The following ITPR1 variants were observed in gnomAD, a reference collection of about 807,000 sequenced individuals.
ITPR1 encodes the protein inositol 1,4,5-trisphosphate-gated calcium channel ITPR1.
ITPR1 carries 96 observed loss-of-function variants against 318.4 expected under a neutral mutation model. The observed-to-expected ratio is 0.30, with a 90% CI of 0.26 to 0.36. ITPR1 has a LOEUF of 0.36. Among genes scored for constraint, ITPR1 ranks in the 10% least tolerant of loss-of-function variants. The pLI, the probability that ITPR1 is intolerant of heterozygous loss-of-function variation, is 1.00. For missense variants in ITPR1, 2,440 were observed against 3,460.2 expected (o/e 0.71, Z 7.40); for synonymous variants, 1,312 against 1,289.9 (o/e 1.02, Z -0.37).
chr3:4,550,532 A>T (rs1041960767), intron 4 of ITPR1, among the ~76,000 whole-genome samples: 2 of 152,172 alleles, frequency 1.3e-5, no homozygotes, highest in Admixed American at 6.5e-5. Flanking sequence ...AAAAATAGAA[A>T]TTCCCTGAGA....
chr3:4,768,826 C>G (rs2045988706), intron 46 of ITPR1, 62 bp downstream of exon 46: 1 of 1,524,490 alleles, frequency 6.6e-7, no homozygotes, highest in Non-Finnish European at 9.0e-7. Flanking sequence ...GCCTGCCTTC[C>G]TCTGATGGTT....
chr3:4,754,054 G>C (rs989644825), intron 44 of ITPR1, among the ~76,000 whole-genome samples: 4 of 129,476 alleles, frequency 3.1e-5, no homozygotes, highest in Non-Finnish European at 7.2e-5. Context: ...AAAATGGGGG[G>C]GGGGTGGCAA....
At chr3:4,750,961 A>G (rs1264150402) in intron 44 of ITPR1, 1 of 152,934 alleles carries the variant, frequency 6.5e-6, no homozygotes, top group Non-Finnish European at 1.5e-5. Flanking sequence ...CCTCCATGAG[A>G]GAGACCTATC....
chr3:4,598,445 C>A (rs971940627), intron 4 of ITPR1, among the ~76,000 whole-genome samples: 2 of 152,002 alleles, frequency 1.3e-5, no homozygotes, highest in African/African-American at 4.8e-5. Context: ...TGCAGTGAGA[C>A]CCCGTCTCTA....
intron 21 of ITPR1, 62 bp from the exon 22 acceptor site, chr3:4,674,140 C>A: frequency 7.2e-7 from 1 of 1,397,368 alleles, no homozygotes. Flanking sequence ...CTGAGTGACC[C>A]AGGAAGACCT....
At position 4,768,701 on chromosome 3, in the gene ITPR1, C is replaced by T; in HGVS notation, c.5916C>T (p.Thr1972=). 6.2e-7 allele frequency: 1 copy of T among 1,613,844 alleles called. No homozygotes were observed. The highest frequency in any genetic ancestry group is 8.5e-7 in the Non-Finnish European group (1 of 1,179,866). Residue 1972 remains threonine (T), a synonymous_variant, in exon 46 of 62, where the codon ACC becomes ACT. Transcript: ENST00000649015. ...KDDLEMSAVI[T]IMQPILRFLQ... ...ACCTGGAGATGAGCGCGGTCATCAC[C>T]ATCATGCAGCCCATCCTCCGCTTCC...
At chr3:4,773,150 C>T (rs2046292820) in intron 46 of ITPR1, among the ~76,000 whole-genome samples, 1 of 152,214 alleles carries the variant, frequency 6.6e-6, no homozygotes, top group Non-Finnish European at 1.5e-5. Context: ...ACTTGCGATG[C>T]TCCCATCTCA....
chr3:4,795,006 T>C, intron 52 of ITPR1, 59 bp from the exon 53 acceptor site: 5 of 1,516,552 alleles, frequency 3.3e-6, no homozygotes, highest in East Asian at 4.7e-5. Flanking sequence ...CCACATTGCA[T>C]TCCTGGCGTT....
chr3:4,566,625 C>G (rs974053829), intron 4 of ITPR1, among the ~76,000 whole-genome samples: 5 of 129,380 alleles, frequency 3.9e-5, no homozygotes, highest in African/African-American at 1.3e-4. Context: ...CACACACACA[C>G]ACACACACAC....
At position 4,658,144 on chromosome 3, in the gene ITPR1, C is replaced by T. The variant is rs763782048; in HGVS notation, c.1017C>T (p.Ala339=). The change falls in exon 13 of 62, where the codon GCC becomes GCT. Residue 339 remains alanine, a synonymous_variant. Coordinates refer to ENST00000649015, the MANE Select transcript of ITPR1 (RefSeq NM_001378452.1). The stretch of plus-strand genomic sequence containing the variant: ...CTCAGGTGGACCCTGATCAGGACGC[C>T]TCTCGAAGTAGGTTGCGGAATGCCC... The part of the protein sequence containing the change: ...FQPSVDPDQD[A]SRSRLRNAQE... 1.8e-5 allele frequency: 29 copies of T among 1,613,054 alleles called. No individual in the cohort carries two copies. The South Asian group carries it at 3.1e-4, about 17-fold the overall frequency.
At position 4,675,057 on chromosome 3, in the gene ITPR1, T is replaced by C; in HGVS notation, c.2599-11T>C. On this transcript the variant is annotated splice_polypyrimidine_tract_variant and intron_variant, in intron 22 of 61. Transcript: ENST00000649015. ...GTAATACCGTCTTCTTCTTTTATTT[T>C]AATACAATAGGTTGTAAATTTAGCT... 6.9e-7 allele frequency: 1 copy of C among 1,446,596 alleles called. No homozygotes were observed. The allele number at this position is 1,446,596 out of a possible 1,614,324, so 89.6% of individuals were successfully genotyped here.
chr3:4,811,161 G>T, intron 55 of ITPR1, 104 bp from the exon 56 acceptor site: 1 of 663,372 alleles, frequency 1.5e-6, no homozygotes. Flanking sequence ...GTGCTTTTGA[G>T]TGTCTAAGAG....
chr3:4,672,407 A>C (rs1209503563), intron 20 of ITPR1, among the ~76,000 whole-genome samples: 1 of 152,230 alleles, frequency 6.6e-6, no homozygotes, highest in Non-Finnish European at 1.5e-5. Context: ...GAATGTCTTC[A>C]AATCATGATT....
rs187326039 is a variant in ITPR1, at chr3:4,789,554, G to T, written c.6808+1415G>T. ...TTATCTGTTGCTTTTGTCCTTCACT[G>T]GGATATTCCATCATTCCAGCTTTAG... On this transcript the variant is annotated intron_variant, in intron 52 of 61. Coordinates refer to ENST00000649015, the MANE Select transcript of ITPR1 (RefSeq NM_001378452.1). Among the ~76,000 whole-genome samples the T allele has an allele frequency of 2.1e-3, 320 of 152,278 alleles. 1 individual carries two copies. Among genetic ancestry groups the T allele is most frequent in the Non-Finnish European group, 2.6e-3 (176 of 68,022 alleles).
chr3:4,767,127 C>T (rs949585793), intron 45 of ITPR1, among the ~76,000 whole-genome samples: 21 of 152,230 alleles, frequency 1.4e-4, no homozygotes, highest in Non-Finnish European at 2.5e-4. Context: ...GAAGAGAAGT[C>T]GTACTGGGCA....
rs138603047 is a variant in ITPR1 at position 4,668,520 on chromosome 3, G to T, written c.1886+971G>T. ...TCTCGCTCTGTCACCCAGGCTGGAG[G>T]GCAGTGGCGAGATCTCAGCTCACTG... On this transcript the variant is annotated intron_variant, in intron 18 of 61. Coordinates refer to ENST00000649015, the MANE Select transcript of ITPR1 (RefSeq NM_001378452.1). Among the ~76,000 whole-genome samples the T allele has an allele frequency of 9.9e-3, 1,499 of 151,648 alleles. 34 individuals are homozygous for T. Among genetic ancestry groups the T allele is most frequent in the African/African-American group, 0.035 (1,444 of 41,314 alleles).
chr3:4,816,787 G>C (rs148858801), intron 59 of ITPR1, among the ~76,000 whole-genome samples: 1,715 of 152,230 alleles, frequency 0.011, 33 homozygotes, highest in African/African-American at 0.037. Context: ...TGTAAATATC[G>C]TGCTATTCCT....
At chr3:4,695,614 T>C (rs1211273144) in intron 33 of ITPR1, among the ~76,000 whole-genome samples, 1 of 152,210 alleles carries the variant, frequency 6.6e-6, no homozygotes, top group Non-Finnish European at 1.5e-5. Flanking sequence ...AATCCTGCAG[T>C]TGCTTTTCTG....
chr3:4,672,197 A>G (rs889425290), intron 20 of ITPR1, among the ~76,000 whole-genome samples: 1 of 152,220 alleles, frequency 6.6e-6, no homozygotes. Flanking sequence ...CTTGGAGGAT[A>G]TTCATATTTT....
Sources: gnomAD v4.1 joint callset for allele counts (sites outside exome capture counted in the v4.1 genomes callset) on GRCh38, gnomAD v4.1.1 for gene constraint, MANE v1.5 for transcripts, NCBI Gene and HGNC (gene_info 2026-07-23, HGNC 2026-07-21) for gene names.